GIP: variants seen among roughly 807,000 people sequenced by gnomAD.
GIP encodes gastric inhibitory polypeptide.
GIP carries 16 observed loss-of-function variants against 18.1 expected under a neutral mutation model. That is an observed-to-expected ratio of 0.88 (90% confidence interval 0.60 to 1.34). GIP has a LOEUF of 1.34. GIP is among the 40% of genes most tolerant of loss of function. The pLI is 0.00. For synonymous variants in GIP, 76 were observed against 74.0 expected, an observed-to-expected ratio of 1.03 and a Z score of -0.14; for missense variants, 192 against 183.4, an observed-to-expected ratio of 1.05 and a Z score of -0.27.
intron 2 of GIP, 118 bp from the exon 3 acceptor site, chr17:48,964,598 G>A (rs2041224046): frequency 1.2e-6 from 1 of 809,916 alleles, no homozygotes; most frequent in Non-Finnish European, 2.0e-6. Context: ...TTTTTATGGA[G>A]ACTCCCTGTG....
intron 5 of GIP, 134 bp from the exon 6 acceptor site, chr17:48,958,850 A>T: frequency 1.6e-6 from 1 of 628,632 alleles, no homozygotes; most frequent in Non-Finnish European, 2.7e-6. Context: ...AATTTTTATC[A>T]ATTTACTTTT....
intron 2 of GIP, among the ~76,000 whole-genome samples, chr17:48,965,604 CA>C (rs33918974): frequency 8.1e-4 from 68 of 84,212 alleles, no homozygotes; most frequent in South Asian, 1.1e-3. Flanking sequence ...GACTCCATCT[CA>C]AAAAAAAAAA....
chr17:48,964,770 C>A (rs975958689), intron 2 of GIP, among the ~76,000 whole-genome samples: 1 of 151,974 alleles, frequency 6.6e-6, no homozygotes, highest in African/African-American at 2.4e-5. Context: ...CCAAGGCAGG[C>A]GGATCACCTG....
Position 48,965,125 on chromosome 17 carries a change from C to T in GIP, c.87-645G>A, listed in dbSNP as rs1413300948. Reference sequence around the variant, plus strand: ...GTGCACTCCAGCCTGGGAGACAGAGCGAGACTCCGTCTCAAAAAAAAAAAA... The same window carrying T: ...GTGCACTCCAGCCTGGGAGACAGAGTGAGACTCCGTCTCAAAAAAAAAAAA... On this transcript the variant is annotated intron_variant, in intron 2 of 5. Transcript: ENST00000357424. 7.8e-4 allele frequency among the ~76,000 whole-genome samples: 56 copies of T among 71,580 alleles called. 1 individual carries two copies. Among genetic ancestry groups the T allele is most frequent in the African/African-American group, 5.5e-3 (54 of 9,830 alleles). The allele number at this position is 71,580 out of a possible 152,430, so 47.0% of individuals were successfully genotyped here. A position where few individuals can be genotyped will look rare whatever the true frequency, so the allele number is the denominator to read the frequency against.
Position 48,960,432 on chromosome 17 carries a change from T to G in GIP, c.452+454A>C, listed in dbSNP as rs7218815. Among the ~76,000 whole-genome samples the G allele has an allele frequency of 3.1e-4, 13 of 41,862 alleles. 1 individual carries two copies. The highest frequency in any genetic ancestry group is 1.9e-3 in the Admixed American group (6 of 3,154). 27.5% of individuals were successfully genotyped at this position (41,862 alleles called of 152,430 possible). A position where few individuals can be genotyped will look rare whatever the true frequency, so the allele number is the denominator to read the frequency against. On this transcript the variant is annotated intron_variant, in intron 5 of 5. Transcript: ENST00000357424. ...GCAGGCCACAGGATGGGCTCAGCTC[T>G]GTGTGTAGGGACAGGCGGGACACAG...
chr17:48,964,770 C>T (rs975958689), intron 2 of GIP, among the ~76,000 whole-genome samples: 4 of 151,974 alleles, frequency 2.6e-5, no homozygotes, highest in Non-Finnish European at 5.9e-5. Flanking sequence ...CCAAGGCAGG[C>T]GGATCACCTG....
At chr17:48,959,015 C>T (rs140700998) in intron 5 of GIP, among the ~76,000 whole-genome samples, 3 of 152,084 alleles carry the variant, frequency 2.0e-5, no homozygotes, top group East Asian at 3.9e-4. Flanking sequence ...CCTCCACGCC[C>T]AGCTAATTTT....
intron 3 of GIP, among the ~76,000 whole-genome samples, chr17:48,963,176 A>G (rs2041210749): frequency 1.3e-5 from 2 of 151,976 alleles, no homozygotes; most frequent in African/African-American, 4.8e-5. Context: ...CTGGTGCCCA[A>G]GTCAGGGTCC....
At chr17:48,962,575 G>T (rs2041206455) in intron 3 of GIP, among the ~76,000 whole-genome samples, 1 of 150,736 alleles carries the variant, frequency 6.6e-6, no homozygotes, top group East Asian at 2.0e-4. Flanking sequence ...CACCATGTTG[G>T]CCAGGAGGGC....
chr17:48,967,364 T>TC (rs1184367056), intron 1 of GIP, 111 bp from the exon 2 acceptor site: 19 of 242,310 alleles, frequency 7.8e-5, no homozygotes, highest in Non-Finnish European at 1.3e-4. Flanking sequence ...TTTTTCTTTT[T>TC]TTTTTTTTTT....
intron 2 of GIP, among the ~76,000 whole-genome samples, chr17:48,966,743 C>A (rs1003057737): frequency 7.3e-5 from 11 of 151,326 alleles, no homozygotes; most frequent in African/African-American, 2.7e-4. Flanking sequence ...CAGGCAGAGG[C>A]TGCAGTGAGC....
chr17:48,965,479 C>T (rs2041231266), intron 2 of GIP, among the ~76,000 whole-genome samples: 2 of 151,276 alleles, frequency 1.3e-5, no homozygotes, highest in Non-Finnish European at 2.9e-5. Flanking sequence ...GTGGCAGGCG[C>T]CTGTAGTCCC....
chr17:48,962,829 A>G (rs1178158969), intron 3 of GIP, among the ~76,000 whole-genome samples: 1 of 151,552 alleles, frequency 6.6e-6, no homozygotes, highest in Non-Finnish European at 1.5e-5. Context: ...ATTAGGGCCA[A>G]CACAGTGGCT....
intron 5 of GIP, 116 bp downstream of exon 5, chr17:48,960,770 C>A (rs1598102724): frequency 1.4e-6 from 1 of 706,472 alleles, no homozygotes; most frequent in East Asian, 2.7e-5. Flanking sequence ...TTAGTGAAAA[C>A]ACTGAGGTTC....
At chr17:48,967,053 C>G in intron 2 of GIP, 94 bp downstream of exon 2, 6 of 914,022 alleles carry the variant, frequency 6.6e-6, no homozygotes, top group Non-Finnish European at 1.1e-5. Flanking sequence ...AGCCTGGATT[C>G]CTTCCCTTTC....
Position 48,967,269 on chromosome 17 carries a change from G to A in GIP, c.-21-16C>T, listed in dbSNP as rs770702345. The A allele has an allele frequency of 1.3e-6, 2 of 1,571,000 alleles. No homozygotes were observed. The highest frequency in any genetic ancestry group is 1.7e-5 in the Admixed American group (1 of 59,930). Reference sequence around the variant, plus strand: ...ATTTCCTGAGCTAAGACAGAAAAAAGCCAGGACATGTTGAGAGAGCAACCA... The same window carrying A: ...ATTTCCTGAGCTAAGACAGAAAAAAACCAGGACATGTTGAGAGAGCAACCA... On this transcript the variant is annotated splice_polypyrimidine_tract_variant and intron_variant, in intron 1 of 5. Transcript: ENST00000357424.
chr17:48,967,359 CT>C (rs369779985), intron 1 of GIP, 106 bp from the exon 2 acceptor site: 32,403 of 495,012 alleles, frequency 0.065, 1 homozygote, highest in East Asian at 0.12. Context: ...TTTCCTTTTT[CT>C]TTTTTTTTTT....
intron 1 of GIP, 47 bp from the exon 2 acceptor site, chr17:48,967,300 G>T: frequency 7.9e-7 from 1 of 1,267,606 alleles, no homozygotes; most frequent in Non-Finnish European, 1.2e-6. Context: ...AACCAGTAGG[G>T]GTTCTGAAAG....
intron 2 of GIP, among the ~76,000 whole-genome samples, chr17:48,966,672 T>G (rs1279845902): frequency 6.6e-6 from 1 of 151,854 alleles, no homozygotes; most frequent in Non-Finnish European, 1.5e-5. Context: ...CCGAGCGTGG[T>G]GGTACATGCC....
Sources: gnomAD v4.1 joint callset for allele counts (sites outside exome capture counted in the v4.1 genomes callset) on GRCh38, gnomAD v4.1.1 for gene constraint, MANE v1.5 for transcripts, NCBI Gene and HGNC (gene_info 2026-07-23, HGNC 2026-07-21) for gene names.